The following HDHD5 variants were observed in gnomAD, a reference collection of about 807,000 sequenced individuals.
HDHD5 encodes haloacid dehalogenase like hydrolase domain containing 5, also known as haloacid dehalogenase-like hydrolase domain-containing 5.
Under a neutral mutation model 35.5 loss-of-function variants are expected in HDHD5, and 34 were observed. The observed-to-expected ratio is 0.96, with a 90% CI of 0.73 to 1.28. The LOEUF (loss-of-function observed/expected upper bound fraction) is 1.28, where lower values mean the gene tolerates loss of function less well. Among genes scored for constraint, HDHD5 ranks in the 50% most tolerant of loss-of-function variants. HDHD5 has a pLI of 0.00. For synonymous variants in HDHD5, 248 were observed against 240.6 expected (o/e 1.03, Z -0.29); for missense variants, 589 against 560.2 (o/e 1.05, Z -0.52).
At chr22:17,148,173 G>C (rs1304696716) in intron 3 of HDHD5, among the ~76,000 whole-genome samples, 1 of 152,134 alleles carries the variant, frequency 6.6e-6, no homozygotes, top group African/African-American at 2.4e-5. Flanking sequence ...TTTTACCCGA[G>C]ACCTAGTGAA....
rs1404696974 is a variant in HDHD5, at chr22:17,149,711, T to C, written c.161A>G (p.Asp54Gly). Residue 54 changes from aspartate to glycine, a missense_variant, in exon 2 of 8, where the codon GAT (aspartate) becomes GGT (glycine). Coordinates refer to ENST00000336737, the MANE Select transcript of HDHD5 (RefSeq NM_033070.3). Reference sequence around the variant, plus strand: ...TCTGTGGCCCCGCACAAGCACTCCATCGATGTCCAACAGGAACCCAAAGGT... The same window carrying C: ...TCTGTGGCCCCGCACAAGCACTCCACCGATGTCCAACAGGAACCCAAAGGT... ...PPTFGFLLDI[D>G]GVLVRGHRVI... 2 of 1,614,070 alleles carry C rather than the reference T, an allele frequency of 1.2e-6. No homozygotes were observed. Among genetic ancestry groups the C allele is most frequent in the Non-Finnish European group, 1.7e-6 (2 of 1,180,014 alleles).
intron 1 of HDHD5, among the ~76,000 whole-genome samples, chr22:17,152,351 G>C (rs1273488598): frequency 6.6e-6 from 1 of 151,966 alleles, no homozygotes; most frequent in Non-Finnish European, 1.5e-5. Flanking sequence ...ACCTGGGAGA[G>C]TGGTGGTAAG....
At chr22:17,144,936 G>A (rs1259849048) in intron 4 of HDHD5, 88 bp downstream of exon 4, 3 of 1,480,486 alleles carry the variant, frequency 2.0e-6, no homozygotes, top group Non-Finnish European at 2.8e-6. Flanking sequence ...AGCTCTGCAG[G>A]AGGGCTTGCA....
chr22:17,144,483 A>G (rs2061635900), intron 4 of HDHD5, among the ~76,000 whole-genome samples: 1 of 147,872 alleles, frequency 6.8e-6, no homozygotes, highest in South Asian at 2.1e-4. Flanking sequence ...GTGTGATGTC[A>G]GCTCACTGCA....
intron 6 of HDHD5, among the ~76,000 whole-genome samples, chr22:17,139,460 G>A (rs1218415642): frequency 6.6e-6 from 1 of 151,838 alleles, no homozygotes; most frequent in Non-Finnish European, 1.5e-5. Context: ...CCCGGGAGGC[G>A]GAGGTTGCAG....
At chr22:17,142,269 C>T (rs1213433569) in intron 5 of HDHD5, 1 of 152,178 alleles carries the variant, frequency 6.6e-6, no homozygotes, top group African/African-American at 2.4e-5. Context: ...ATTTGAATGT[C>T]CCACCTGATA....
chr22:17,145,653 C>T (rs949700866), intron 3 of HDHD5, among the ~76,000 whole-genome samples: 12 of 152,098 alleles, frequency 7.9e-5, no homozygotes, highest in African/African-American at 2.9e-4. Flanking sequence ...GATTGCACCA[C>T]TGCACTCCAA....
Position 17,148,629 on chromosome 22 carries a change from T to A in HDHD5, c.331-69A>T. On this transcript the variant is annotated intron_variant, in intron 2 of 7. Transcript: ENST00000336737. Reference sequence around the variant, plus strand: ...CTGTTGAGGGAAATAATGAGACAGGTGGCAGGTCCTTTAGCCTAGGGAAGG... The same window carrying A: ...CTGTTGAGGGAAATAATGAGACAGGAGGCAGGTCCTTTAGCCTAGGGAAGG... 4 of 1,212,246 alleles carry A rather than the reference T, an allele frequency of 3.3e-6. No homozygotes were observed. In the South Asian group the frequency reaches 4.8e-5, roughly 15 times the overall value. 75.1% of individuals were successfully genotyped at this position (1,212,246 alleles called of 1,614,324 possible).
intron 3 of HDHD5, among the ~76,000 whole-genome samples, chr22:17,147,313 A>C (rs71326293): frequency 2.1e-4 from 12 of 56,468 alleles, no homozygotes; most frequent in South Asian, 6.2e-4. Flanking sequence ...GTGAGCTTAC[A>C]GGCCTTCGAT....
At chr22:17,152,135 T>C (rs992241496) in intron 1 of HDHD5, among the ~76,000 whole-genome samples, 12 of 152,144 alleles carry the variant, frequency 7.9e-5, no homozygotes, top group Non-Finnish European at 1.6e-4. Flanking sequence ...CAGAGGAACC[T>C]GACCCACAGG....
upstream of HDHD5, chr22:17,159,314 G>C: frequency 8.5e-7 from 1 of 1,171,856 alleles, no homozygotes; most frequent in Non-Finnish European, 1.1e-6. Flanking sequence ...TCCGTCCGCT[G>C]CACAGCCAAT....
chr22:17,157,581 C>T (rs552091994), intron 1 of HDHD5, among the ~76,000 whole-genome samples: 11 of 152,246 alleles, frequency 7.2e-5, no homozygotes, highest in African/African-American at 2.4e-4. Context: ...GGAGACATTT[C>T]GGGACTCTGC....
rs2061838262 is a variant in HDHD5, at chr22:17,159,133, G to C, written c.119C>G (p.Pro40Arg). The C allele has an allele frequency of 4.0e-6, 5 of 1,236,970 alleles. No individual in the cohort carries two copies. The Admixed American group carries it at 2.0e-4, about 50-fold the overall frequency. 76.6% of individuals were successfully genotyped at this position (1,236,970 alleles called of 1,614,324 possible). A position where few individuals can be genotyped will look rare whatever the true frequency, so the allele number is the denominator to read the frequency against. The change falls in exon 1 of 8, where the codon CCC (proline) becomes CGC (arginine). Residue 40 changes from proline to arginine, a missense_variant. Physicochemically the swap from Pro to Arg is moderately radical, Grantham distance 103. Coordinates refer to ENST00000336737, the MANE Select transcript of HDHD5 (RefSeq NM_033070.3). The stretch of plus-strand genomic sequence containing the variant: ...GAACCCGGACGTCCTCACCTGAGCG[G>C]GGCCCACAGCATAGCACCTGCGGGC... ...RPARRCYAVG[P>R]AQSPPTFGFL...
intron 1 of HDHD5, among the ~76,000 whole-genome samples, chr22:17,154,301 G>A (rs889456502): frequency 6.6e-6 from 1 of 151,600 alleles, no homozygotes; most frequent in Admixed American, 6.6e-5. Context: ...TGACCAACAC[G>A]GAGAAACCCT....
At chr22:17,154,988 C>T (rs1416697172) in intron 1 of HDHD5, among the ~76,000 whole-genome samples, 1 of 151,910 alleles carries the variant, frequency 6.6e-6, no homozygotes, top group African/African-American at 2.4e-5. Flanking sequence ...GACAAGAAAT[C>T]AGAGATTTAC....
upstream of HDHD5, among the ~76,000 whole-genome samples, chr22:17,161,647 C>T (rs1189450893): frequency 5.9e-5 from 9 of 151,664 alleles, no homozygotes; most frequent in East Asian, 1.7e-3. Flanking sequence ...GCAGGTGGAT[C>T]ACTTGAGTCC....
upstream of HDHD5, among the ~76,000 whole-genome samples, chr22:17,163,254 A>C (rs774313973): frequency 6.6e-6 from 1 of 152,130 alleles, no homozygotes; most frequent in Non-Finnish European, 1.5e-5. Context: ...TATATTTGGA[A>C]TTTGTAGCCT....
chr22:17,137,995 A>G lies in HDHD5; in HGVS notation c.*26T>C. 6.4e-7 allele frequency: 1 copy of G among 1,570,748 alleles called. No homozygotes were observed. Among genetic ancestry groups the G allele is most frequent in the Non-Finnish European group, 8.7e-7 (1 of 1,148,522 alleles). On this transcript the variant is annotated 3_prime_UTR_variant, in exon 8 of 8. Coordinates refer to ENST00000336737, the MANE Select transcript of HDHD5 (RefSeq NM_033070.3). ...GGGACTCGCCCACAGGTCCAGGCTCACCCCCTCACCTCCACCGCACTGCCC... is the reference window on the plus strand; with the variant it reads ...GGGACTCGCCCACAGGTCCAGGCTCGCCCCCTCACCTCCACCGCACTGCCC...
At position 17,157,076 on chromosome 22, in the gene HDHD5, T is replaced by TCACACACACACACACA. The variant is rs779244919; in HGVS notation, c.126+2049_126+2050insTGTGTGTGTGTGTGTG. 5.6e-3 allele frequency among the ~76,000 whole-genome samples: 314 copies of TCACACACACACACACA among 56,100 alleles called. 2 individuals are homozygous for TCACACACACACACACA. Among genetic ancestry groups the TCACACACACACACACA allele is most frequent in the Middle Eastern group, 9.1e-3 (1 of 110 alleles). The allele number at this position is 56,100 out of a possible 152,430, so 36.8% of individuals were successfully genotyped here. A position where few individuals can be genotyped will look rare whatever the true frequency, so the allele number is the denominator to read the frequency against. The stretch of plus-strand genomic sequence containing the variant: ...CCGGGCAACAGAGCTAGACACCGTC[T>TCACACACACACACACA]CACACACATACACACACACACACAC... On this transcript the variant is annotated intron_variant, in intron 1 of 7. Transcript: ENST00000336737.
Sources: gnomAD v4.1 joint callset for allele counts (sites outside exome capture counted in the v4.1 genomes callset) on GRCh38, gnomAD v4.1.1 for gene constraint, MANE v1.5 for transcripts, NCBI Gene and HGNC (gene_info 2026-07-23, HGNC 2026-07-21) for gene names.